SMIM36: variants seen among roughly 807,000 people sequenced by gnomAD.
The protein encoded by SMIM36 is small integral membrane protein 36.
chr17:55,515,086 G>T (rs4354992), upstream of SMIM36, among the ~76,000 whole-genome samples: 21,353 of 53,796 alleles, frequency 0.4, 3,713 homozygotes, highest in South Asian at 0.54. Context: ...CTAGTCTAGT[G>T]TTTTTTTTTT....
At chr17:55,490,048 G>T (rs1393746664) in intron 1 of SMIM36, among the ~76,000 whole-genome samples, 1 of 151,572 alleles carries the variant, frequency 6.6e-6, no homozygotes, top group Non-Finnish European at 1.5e-5. Context: ...GTAGAGACAG[G>T]GTTTCACCAT....
chr17:55,457,304 A>C (rs1909041659), intron 4 of SMIM36, among the ~76,000 whole-genome samples: 1 of 151,726 alleles, frequency 6.6e-6, no homozygotes, highest in Non-Finnish European at 1.5e-5. Flanking sequence ...AAAAAAAATT[A>C]GCTGGGCATG....
chr17:55,496,830 G>T (rs1243350692), intron 1 of SMIM36, among the ~76,000 whole-genome samples: 1 of 152,154 alleles, frequency 6.6e-6, no homozygotes, highest in African/African-American at 2.4e-5. Flanking sequence ...AAGTTATAGT[G>T]TAAACTCAGG....
At position 55,470,355 on chromosome 17, in the gene SMIM36, A is replaced by G. The variant is rs573121263; in HGVS notation, c.*348-3027T>C. On this transcript the variant is annotated intron_variant, in intron 3 of 4. Transcript: ENST00000636752. ...TTGGAAGCCCCCTGGACCATCATAG[A>G]TGCCGAGCTTTGGGTAACTCTTACA... is the stretch of plus-strand genomic sequence containing the variant. Among the ~76,000 whole-genome samples, 227 of 152,280 alleles carry G rather than the reference A, an allele frequency of 1.5e-3. 4 individuals carry two copies. Among genetic ancestry groups the G allele is most frequent in the African/African-American group, 5.3e-3 (221 of 41,556 alleles).
chr17:55,500,836 T>C (rs1387491940), intron 1 of SMIM36, among the ~76,000 whole-genome samples: 1 of 28,382 alleles, frequency 3.5e-5, no homozygotes, highest in Non-Finnish European at 4.7e-5. Context: ...ATAATATATA[T>C]TATAATATAT....
chr17:55,462,131 T>G (rs368539818), intron 4 of SMIM36, among the ~76,000 whole-genome samples: 79 of 152,340 alleles, frequency 5.2e-4, no homozygotes, highest in African/African-American at 1.9e-3. Flanking sequence ...AAATCTTGGT[T>G]TTAGATGGAT....
chr17:55,475,719 T>C (rs1057501901), intron 3 of SMIM36, among the ~76,000 whole-genome samples: 1 of 152,248 alleles, frequency 6.6e-6, no homozygotes, highest in African/African-American at 2.4e-5. Flanking sequence ...TCTAATTGGA[T>C]GTCCTGGGTC....
chr17:55,509,059 GAAACAAATTAAATTAAAA>G (rs1910136143), intron 1 of SMIM36, among the ~76,000 whole-genome samples: 1 of 150,656 alleles, frequency 6.6e-6, no homozygotes, highest in African/African-American at 2.4e-5. Context: ...GATAAAATAA[GAAACAAATTAAATTAAAA>G]ATAAACATCA....
the SMIM36 span, among the ~76,000 whole-genome samples, chr17:55,522,115 T>A: frequency 6.6e-6 from 1 of 152,198 alleles, no homozygotes; most frequent in Non-Finnish European, 1.5e-5. Context: ...ACCTCTGTCC[T>A]CTCATTTTCA....
intron 3 of SMIM36, among the ~76,000 whole-genome samples, chr17:55,475,430 A>G (rs1909411769): frequency 1.3e-5 from 2 of 152,002 alleles, no homozygotes; most frequent in African/African-American, 2.4e-5. Flanking sequence ...CTCCCCATCT[A>G]TCTTCACCAC....
chr17:55,494,898 C>T lies in SMIM36; in HGVS notation c.*175-15318G>A, dbSNP rs368594542. ...ATTTGAAAGCCACTGGTTTAGAGAACGAGCTTCAGAGTTCCAGTTGCCTAA... is the reference window on the plus strand; with the variant it reads ...ATTTGAAAGCCACTGGTTTAGAGAATGAGCTTCAGAGTTCCAGTTGCCTAA... On this transcript the variant is annotated intron_variant, in intron 1 of 4. Coordinates refer to ENST00000636752, the Ensembl canonical transcript of SMIM36. 1.6e-4 allele frequency among the ~76,000 whole-genome samples: 25 copies of T among 152,262 alleles called. No individual in the cohort carries two copies. In the East Asian group the frequency reaches 1.7e-3, roughly 11 times the overall value.
intron 1 of SMIM36, among the ~76,000 whole-genome samples, chr17:55,508,886 G>C (rs1218315745): frequency 5.0e-5 from 7 of 139,674 alleles, no homozygotes; most frequent in African/African-American, 1.9e-4. Flanking sequence ...TCGTGCCATT[G>C]CACTTCAGCC....
At chr17:55,508,380 C>T (rs745543908) in intron 1 of SMIM36, among the ~76,000 whole-genome samples, 9 of 147,302 alleles carry the variant, frequency 6.1e-5, no homozygotes, top group Non-Finnish European at 1.0e-4. Context: ...TATATATTCT[C>T]TCTATATATT....
chr17:55,478,588 ATAG>A (rs1325940843), intron 3 of SMIM36, among the ~76,000 whole-genome samples, 171 bp downstream of exon 3: 1 of 152,152 alleles, frequency 6.6e-6, no homozygotes, highest in Non-Finnish European at 1.5e-5. Context: ...TTTAGGAATA[ATAG>A]TAGTCAAACT....
chr17:55,461,417 A>G (rs1206072878), intron 4 of SMIM36, among the ~76,000 whole-genome samples: 1 of 152,214 alleles, frequency 6.6e-6, no homozygotes, highest in African/African-American at 2.4e-5. Flanking sequence ...CATTTACAGG[A>G]CATTCTGGAA....
chr17:55,513,347 G>C (rs1158352176), upstream of SMIM36, among the ~76,000 whole-genome samples: 1 of 152,194 alleles, frequency 6.6e-6, no homozygotes, highest in Non-Finnish European at 1.5e-5. Context: ...ATTCAACACA[G>C]AATTCAACAC....
chr17:55,525,937 C>T, the SMIM36 span, among the ~76,000 whole-genome samples: 2 of 151,924 alleles, frequency 1.3e-5, no homozygotes, highest in East Asian at 1.9e-4. Context: ...GGATTACAGG[C>T]GTGAGCCACC....
chr17:55,482,298 A>G (rs757894256), intron 1 of SMIM36, among the ~76,000 whole-genome samples: 12 of 152,118 alleles, frequency 7.9e-5, no homozygotes, highest in Non-Finnish European at 1.5e-4. Flanking sequence ...CGCATCCACA[A>G]CATCCTCCCC....
At chr17:55,494,827 C>T (rs755997133) in intron 1 of SMIM36, among the ~76,000 whole-genome samples, 2 of 152,092 alleles carry the variant, frequency 1.3e-5, no homozygotes, top group Admixed American at 6.6e-5. Context: ...CGCACACACA[C>T]AAGTACTAAA....
Sources: gnomAD v4.1 joint callset for allele counts (sites outside exome capture counted in the v4.1 genomes callset) on GRCh38, gnomAD v4.1.1 for gene constraint, MANE v1.5 for transcripts, NCBI Gene and HGNC (gene_info 2026-07-23, HGNC 2026-07-21) for gene names.